The following ST6GALNAC3 variants were observed in gnomAD, a reference collection of about 807,000 sequenced individuals.
ST6GALNAC3 encodes ST6 N-acetylgalactosaminide alpha-2,6-sialyltransferase 3.
In ST6GALNAC3, 25 loss-of-function variants were observed where a neutral mutation model predicts 32.7. The ratio of observed to expected loss-of-function variants is 0.76; its 90% CI spans 0.56 to 1.07. The LOEUF (loss-of-function observed/expected upper bound fraction) is 1.07. Among genes scored for constraint, ST6GALNAC3 ranks in the 50% least tolerant of loss-of-function variants. The probability of loss-of-function intolerance (pLI) is 0.00; values close to 1 mark genes in which losing one functional copy is unlikely to be tolerated. For missense variants in ST6GALNAC3, 355 were observed against 382.4 expected, an observed-to-expected ratio of 0.93 and a Z score of 0.60; for synonymous variants, 129 against 133.1, an observed-to-expected ratio of 0.97 and a Z score of 0.21.
intron 2 of ST6GALNAC3, among the ~76,000 whole-genome samples, chr1:76,335,430 AACACACACAC>A (rs60059592): frequency 6.9e-6 from 1 of 145,272 alleles, no homozygotes; most frequent in Non-Finnish European, 1.5e-5. Context: ...CATCACAGGG[AACACACACAC>A]ACACACACAC....
chr1:76,591,424 C>T (rs1185280987), intron 3 of ST6GALNAC3, among the ~76,000 whole-genome samples: 1 of 151,990 alleles, frequency 6.6e-6, no homozygotes, highest in Non-Finnish European at 1.5e-5. Flanking sequence ...GTGGAGGGTC[C>T]TCTGATGATG....
rs555842942 is a variant in ST6GALNAC3 at position 76,525,817 on chromosome 1, A to G, written c.624-101635A>G. 4.1e-3 allele frequency among the ~76,000 whole-genome samples: 442 copies of G among 107,600 alleles called. 29 individuals carry two copies. The East Asian group carries it at 0.072, about 18-fold the overall frequency. The allele number at this position is 107,600 out of a possible 152,430, so 70.6% of individuals were successfully genotyped here. A position where few individuals can be genotyped will look rare whatever the true frequency, so the allele number is the denominator to read the frequency against. On this transcript the variant is annotated intron_variant, in intron 3 of 4. Transcript: ENST00000328299. ...TATATATATATATATATATATATAT[A>G]TATATATATATGACCGTTTTGCAGG...
intron 3 of ST6GALNAC3, among the ~76,000 whole-genome samples, chr1:76,430,785 T>C (rs1444573011): frequency 2.6e-5 from 4 of 152,180 alleles, no homozygotes; most frequent in Admixed American, 1.3e-4. Context: ...GAGTTCTCAG[T>C]GTATATTAGG....
intron 3 of ST6GALNAC3, among the ~76,000 whole-genome samples, chr1:76,512,965 A>AAAT (rs1421877155): frequency 8.1e-6 from 1 of 123,846 alleles, no homozygotes; most frequent in Non-Finnish European, 1.9e-5. Context: ...TTCTTTTGAA[A>AAAT]AATATCTATT....
intron 3 of ST6GALNAC3, among the ~76,000 whole-genome samples, chr1:76,522,916 C>T (rs1021667818): frequency 3.9e-5 from 6 of 152,146 alleles, no homozygotes; most frequent in African/African-American, 7.2e-5. Flanking sequence ...TTCAGCTTCT[C>T]GGAATCGTTA....
intron 3 of ST6GALNAC3, among the ~76,000 whole-genome samples, chr1:76,426,772 C>A (rs892230789): frequency 6.6e-6 from 1 of 151,910 alleles, no homozygotes; most frequent in African/African-American, 2.4e-5. Flanking sequence ...ACCACAAACA[C>A]ATGAGTAATG....
intron 3 of ST6GALNAC3, among the ~76,000 whole-genome samples, chr1:76,622,346 A>G (rs1308518211): frequency 6.6e-6 from 1 of 151,986 alleles, no homozygotes; most frequent in East Asian, 1.9e-4. Context: ...TCTAAGGTTA[A>G]AAAGTAAGAT....
intron 3 of ST6GALNAC3, among the ~76,000 whole-genome samples, chr1:76,430,088 G>A (rs4565767): frequency 2.6e-5 from 4 of 151,826 alleles, no homozygotes; most frequent in African/African-American, 2.4e-5. Context: ...CTTTCCTAAC[G>A]AAAATGTAAT....
chr1:76,157,651 A>G (rs1557661215), intron 1 of ST6GALNAC3, among the ~76,000 whole-genome samples: 1 of 152,108 alleles, frequency 6.6e-6, no homozygotes, highest in African/African-American at 2.4e-5. Context: ...TGCCTAAATG[A>G]TTTTTTTAAA....
intron 1 of ST6GALNAC3, among the ~76,000 whole-genome samples, chr1:76,273,833 T>C (rs1658989946): frequency 6.6e-6 from 1 of 152,178 alleles, no homozygotes; most frequent in African/African-American, 2.4e-5. Context: ...GCTATAGTTA[T>C]GTTATGGAAT....
chr1:76,221,173 T>A (rs1466501071), intron 1 of ST6GALNAC3, among the ~76,000 whole-genome samples: 1 of 152,194 alleles, frequency 6.6e-6, no homozygotes. Flanking sequence ...AAGAAATTCT[T>A]TGGTTCTAGA....
intron 1 of ST6GALNAC3, among the ~76,000 whole-genome samples, chr1:76,195,661 T>TA (rs1046986836): frequency 1.3e-5 from 2 of 152,254 alleles, no homozygotes; most frequent in East Asian, 1.9e-4. Context: ...TCAACATGGT[T>TA]AAAAAAATAA....
chr1:76,118,361 A>G (rs1648628084), intron 1 of ST6GALNAC3, among the ~76,000 whole-genome samples: 1 of 152,246 alleles, frequency 6.6e-6, no homozygotes, highest in African/African-American at 2.4e-5. Flanking sequence ...CTTTTACCTT[A>G]AAAATGTACC....
At chr1:76,146,711 A>G (rs977185665) in intron 1 of ST6GALNAC3, among the ~76,000 whole-genome samples, 1 of 152,242 alleles carries the variant, frequency 6.6e-6, no homozygotes, top group Non-Finnish European at 1.5e-5. Flanking sequence ...GCTAAAAAAA[A>G]TTGATCAGGA....
At chr1:76,394,038 G>A (rs1457233594) in intron 2 of ST6GALNAC3, among the ~76,000 whole-genome samples, 3 of 152,194 alleles carry the variant, frequency 2.0e-5, no homozygotes, top group African/African-American at 7.2e-5. Context: ...TCTGTGGGGT[G>A]GCTTTCCTTT....
chr1:76,375,986 G>A (rs938052919), intron 2 of ST6GALNAC3, among the ~76,000 whole-genome samples: 5 of 152,004 alleles, frequency 3.3e-5, no homozygotes, highest in Non-Finnish European at 5.9e-5. Flanking sequence ...ACTCTGGAAG[G>A]ACATGTATGA....
intron 2 of ST6GALNAC3, among the ~76,000 whole-genome samples, chr1:76,342,432 T>C (rs146795701): frequency 0.034 from 5,162 of 152,244 alleles, 95 homozygotes; most frequent in Middle Eastern, 0.054. Context: ...CTCATTGTGG[T>C]TTTGATTTGC....
At chr1:76,312,135 A>G (rs760460517) in intron 1 of ST6GALNAC3, among the ~76,000 whole-genome samples, 5 of 150,138 alleles carry the variant, frequency 3.3e-5, no homozygotes, top group Non-Finnish European at 7.4e-5. Flanking sequence ...CACATCTACA[A>G]CCATCTGACC....
At chr1:76,522,870 G>A (rs1053202377) in intron 3 of ST6GALNAC3, among the ~76,000 whole-genome samples, 3 of 152,172 alleles carry the variant, frequency 2.0e-5, no homozygotes, top group African/African-American at 7.2e-5. Flanking sequence ...CACATCATTG[G>A]TGTTGAGCAG....
Sources: allele counts gnomAD v4.1 joint callset (sites outside exome capture counted in the v4.1 genomes callset), GRCh38; gene constraint gnomAD v4.1.1; transcripts MANE v1.5; gene names NCBI Gene and HGNC (gene_info 2026-07-23, HGNC 2026-07-21).